DLGAP2: variants seen among roughly 807,000 people sequenced by gnomAD.
DLGAP2 encodes DLG associated protein 2.
DLGAP2 carries 26 observed loss-of-function variants against 100.3 expected under a neutral mutation model. That is an observed-to-expected ratio of 0.26 (90% CI 0.19 to 0.36). The LOEUF is 0.36. Among genes scored for constraint, DLGAP2 ranks in the 10% least tolerant of loss-of-function variants. The pLI is 1.00. For synonymous variants in DLGAP2, 886 were observed against 630.1 expected, an observed-to-expected ratio of 1.41 and a Z score of -6.08; for missense variants, 1,858 against 1,453.2, an observed-to-expected ratio of 1.28 and a Z score of -4.53.
At chr8:1,369,015 G>C (rs1475679042) in intron 3 of DLGAP2, 1 of 152,196 alleles carries the variant, frequency 6.6e-6, no homozygotes, top group East Asian at 1.9e-4. Flanking sequence ...CCGGTGCCCG[G>C]AGTGGGACAC....
In DLGAP2 at chr8:1,340,014, A is replaced by G. The variant is rs143066737; in HGVS notation, c.106+81131A>G. On this transcript the variant is annotated intron_variant, in intron 3 of 14. Coordinates refer to ENST00000637795, the MANE Select transcript of DLGAP2 (RefSeq NM_001346810.2). The stretch of plus-strand genomic sequence containing the variant: ...ATGTTTAGAAAGGGTTCCTTATTCA[A>G]TCCATGGTACTGGGAGAACTGGCAG... 4.8e-4 allele frequency among the ~76,000 whole-genome samples: 73 copies of G among 152,326 alleles called. No homozygotes were observed. The South Asian group carries it at 5.6e-3, about 12-fold the overall frequency.
intron 3 of DLGAP2, among the ~76,000 whole-genome samples, chr8:1,390,727 G>C: frequency 6.6e-6 from 1 of 152,140 alleles, no homozygotes; most frequent in East Asian, 1.9e-4. Flanking sequence ...TTCATTTGGC[G>C]GAGGGCTCTG....
intron 2 of DLGAP2, among the ~76,000 whole-genome samples, chr8:1,214,818 A>G (rs1332193995): frequency 6.6e-6 from 1 of 152,244 alleles, no homozygotes; most frequent in African/African-American, 2.4e-5. Flanking sequence ...TGACTTCCAC[A>G]TAACATTCTT....
intron 2 of DLGAP2, among the ~76,000 whole-genome samples, chr8:1,000,914 C>A (rs1397235225): frequency 6.6e-6 from 1 of 152,056 alleles, no homozygotes; most frequent in Non-Finnish European, 1.5e-5. Context: ...TTCCATGCGG[C>A]CTCCGAGAGT....
At chr8:1,200,745 C>G (rs1419199300) in intron 2 of DLGAP2, among the ~76,000 whole-genome samples, 1 of 151,572 alleles carries the variant, frequency 6.6e-6, no homozygotes, top group Non-Finnish European at 1.5e-5. Context: ...TTCGGACTTA[C>G]AGAGCTGTAA....
At chr8:1,355,679 T>C (rs1801832001) in intron 3 of DLGAP2, among the ~76,000 whole-genome samples, 1 of 152,092 alleles carries the variant, frequency 6.6e-6, no homozygotes, top group Admixed American at 6.5e-5. Flanking sequence ...GAGTATTTTT[T>C]AATGAAAAAA....
rs138110875 is a variant in DLGAP2 at position 1,344,240 on chromosome 8, G to T, written c.106+85357G>T. Among the ~76,000 whole-genome samples, 11 of 152,304 alleles carry T rather than the reference G, an allele frequency of 7.2e-5. No homozygotes were observed. The East Asian group carries it at 2.1e-3, about 29-fold the overall frequency. On this transcript the variant is annotated intron_variant, in intron 3 of 14. Transcript: ENST00000637795. Reference sequence around the variant, plus strand: ...CCTGTGCCGTGTAGAATCTGTAGCTGCACACTTCGCCCAGTCTCCCCTCGA... The same window carrying T: ...CCTGTGCCGTGTAGAATCTGTAGCTTCACACTTCGCCCAGTCTCCCCTCGA...
chr8:813,600 A>G (rs541952101), intron 1 of DLGAP2, among the ~76,000 whole-genome samples: 1 of 152,292 alleles, frequency 6.6e-6, no homozygotes, highest in South Asian at 2.1e-4. Context: ...GAAATTATAC[A>G]GTGTGTTTTA....
At chr8:1,242,752 A>G (rs939031800) in intron 2 of DLGAP2, among the ~76,000 whole-genome samples, 3 of 152,132 alleles carry the variant, frequency 2.0e-5, no homozygotes, top group Admixed American at 6.5e-5. Flanking sequence ...AGATGGACGG[A>G]TGGATGGTCA....
chr8:1,237,544 C>G (rs1455622659), intron 2 of DLGAP2, among the ~76,000 whole-genome samples: 24 of 144,164 alleles, frequency 1.7e-4, no homozygotes, highest in African/African-American at 5.8e-4. Flanking sequence ...GTCTAGTTCT[C>G]TCACATGGCG....
chr8:1,502,363 A>C (rs533655764), intron 4 of DLGAP2, among the ~76,000 whole-genome samples: 49 of 152,384 alleles, frequency 3.2e-4, no homozygotes, highest in African/African-American at 1.2e-3. Flanking sequence ...ATTTGCCTAA[A>C]GAATAATATC....
Position 1,147,661 on chromosome 8 carries a change from C to T in DLGAP2, c.74-111190C>T, listed in dbSNP as rs1021895206. Among the ~76,000 whole-genome samples, 8 of 151,796 alleles carry T rather than the reference C, an allele frequency of 5.3e-5. No homozygotes were observed. The East Asian group carries it at 9.7e-4, about 18-fold the overall frequency. ...CTCCTTCTGCCTCAGTCACCCTAGT[C>T]ACTGAGACTAAAGGCAAGTTCCACC... On this transcript the variant is annotated intron_variant, in intron 2 of 14. Transcript: ENST00000637795.
At chr8:1,554,931 G>A (rs888092922) in intron 5 of DLGAP2, among the ~76,000 whole-genome samples, 4 of 152,234 alleles carry the variant, frequency 2.6e-5, no homozygotes, top group African/African-American at 9.6e-5. Context: ...AAAAGAGGGA[G>A]AAAGGAGATT....
chr8:1,543,760 T>C (rs1242887954), intron 4 of DLGAP2, among the ~76,000 whole-genome samples: 1 of 152,228 alleles, frequency 6.6e-6, no homozygotes, highest in Non-Finnish European at 1.5e-5. Flanking sequence ...TCTAGGTCAC[T>C]TGGGGTAGGA....
intron 2 of DLGAP2, among the ~76,000 whole-genome samples, chr8:1,238,245 A>G (rs368294175): frequency 2.7e-3 from 92 of 33,640 alleles, no homozygotes; most frequent in African/African-American, 6.0e-3. Flanking sequence ...ACATGGTGCC[A>G]TGTCTAGTTC....
At chr8:1,380,676 G>T (rs2129761899) in intron 3 of DLGAP2, among the ~76,000 whole-genome samples, 1 of 152,218 alleles carries the variant, frequency 6.6e-6, no homozygotes, top group African/African-American at 2.4e-5. Flanking sequence ...CATGTTCACT[G>T]GGGACTCTCT....
At chr8:1,065,556 TA>T (rs1178826580) in intron 2 of DLGAP2, among the ~76,000 whole-genome samples, 1 of 152,214 alleles carries the variant, frequency 6.6e-6, no homozygotes. Flanking sequence ...GTGACCTCTG[TA>T]AAATGTGGCT....
At chr8:1,304,271 G>C (rs1047024785) in intron 3 of DLGAP2, among the ~76,000 whole-genome samples, 2 of 152,146 alleles carry the variant, frequency 1.3e-5, no homozygotes, top group Non-Finnish European at 2.9e-5. Flanking sequence ...ACAGGACACC[G>C]GCCACCGTGG....
intron 1 of DLGAP2, among the ~76,000 whole-genome samples, chr8:828,429 A>C (rs1796721938): frequency 6.6e-6 from 1 of 152,180 alleles, no homozygotes; most frequent in Admixed American, 6.5e-5. Flanking sequence ...TTTGCTTTTG[A>C]AAGAAGAGAA....
Sources: gnomAD v4.1 joint callset for allele counts (sites outside exome capture counted in the v4.1 genomes callset) on GRCh38, gnomAD v4.1.1 for gene constraint, MANE v1.5 for transcripts, NCBI Gene and HGNC (gene_info 2026-07-23, HGNC 2026-07-21) for gene names.